Variants in ASXL1 observed in about 807,000 individuals in gnomAD.
ASXL1 encodes the protein polycomb group protein ASXL1.
Under a neutral mutation model 89.1 loss-of-function variants are expected in ASXL1, and 65 were observed. That is an observed-to-expected ratio of 0.73 (90% confidence interval 0.60 to 0.90). ASXL1 has a LOEUF of 0.90. ASXL1 is among the 40% of genes least tolerant of loss of function. The pLI is 0.00. For missense variants in ASXL1, 1,786 were observed against 1,942.9 expected, an observed-to-expected ratio of 0.92 and a Z score of 1.52; for synonymous variants, 739 against 746.9, an observed-to-expected ratio of 0.99 and a Z score of 0.17.
intron 4 of ASXL1, among the ~76,000 whole-genome samples, chr20:32,388,269 G>A (rs1417566512): frequency 3.3e-5 from 5 of 152,150 alleles, no homozygotes; most frequent in Non-Finnish European, 1.5e-5. Flanking sequence ...CTGTCTTCCA[G>A]GCTTAAGCAA....
chr20:32,413,173 TTTG>T lies in ASXL1; in HGVS notation c.253-14940_253-14938del, dbSNP rs200573508. Among the ~76,000 whole-genome samples, 732 of 152,248 alleles carry T rather than the reference TTTG, an allele frequency of 4.8e-3. 4 individuals are homozygous for T. Among genetic ancestry groups the T allele is most frequent in the African/African-American group, 0.017 (703 of 41,542 alleles). On this transcript the variant is annotated intron_variant, in intron 4 of 12. Coordinates refer to ENST00000375687, the MANE Select transcript of ASXL1 (RefSeq NM_015338.6). ...AAAATACTCTCTGAGGCACGCAGAT[TTTG>T]TTGTTGTTGTTGTTTAAGGATGAAG... is the stretch of plus-strand genomic sequence containing the variant.
intron 4 of ASXL1, among the ~76,000 whole-genome samples, chr20:32,396,791 C>A (rs1441495997): frequency 6.6e-6 from 1 of 152,108 alleles, no homozygotes; most frequent in East Asian, 1.9e-4. Flanking sequence ...AACTCTCATT[C>A]TCTCTCAGTA....
chr20:32,372,111 A>G (rs1276157518), intron 4 of ASXL1: 5 of 1,341,928 alleles, frequency 3.7e-6, no homozygotes, highest in Non-Finnish European at 4.0e-6. Flanking sequence ...TTCTTGGCAT[A>G]GTACGTGCTT....
chr20:32,379,841 TA>T (rs11167166), intron 4 of ASXL1, among the ~76,000 whole-genome samples: 121,495 of 151,834 alleles, frequency 0.8, 48,914 homozygotes, highest in South Asian at 0.92. Context: ...AAGAAAAAAA[TA>T]AAAAAGATGT....
At chr20:32,380,590 A>G (rs1256468959) in intron 4 of ASXL1, among the ~76,000 whole-genome samples, 2 of 152,020 alleles carry the variant, frequency 1.3e-5, no homozygotes, top group East Asian at 1.9e-4. Context: ...TTGTCTCTAC[A>G]AGAAATAAAA....
At position 32,438,151 on chromosome 20, in the gene ASXL1, G is replaced by GTA; in HGVS notation, c.*815_*816dup. 4.3e-6 allele frequency: 1 copy of GTA among 233,498 alleles called. No homozygotes were observed. The highest frequency in any genetic ancestry group is 8.5e-6 in the Non-Finnish European group (1 of 117,986). 14.5% of individuals were successfully genotyped at this position (233,498 alleles called of 1,614,324 possible). On this transcript the variant is annotated 3_prime_UTR_variant, in exon 13 of 13. Coordinates refer to ENST00000375687, the MANE Select transcript of ASXL1 (RefSeq NM_015338.6). ...GGAGTGGGCATCTCCACGCACCTGT[G>GTA]TATGTGAAAGTCATTTTACATTTCA...
chr20:32,387,606 C>T (rs2048601731), intron 4 of ASXL1, among the ~76,000 whole-genome samples: 1 of 152,206 alleles, frequency 6.6e-6, no homozygotes, highest in Admixed American at 6.5e-5. Context: ...CCATCCTTGT[C>T]TGGTTTAAGC....
At chr20:32,362,590 C>T (rs1383912862) in intron 1 of ASXL1, among the ~76,000 whole-genome samples, 2 of 152,158 alleles carry the variant, frequency 1.3e-5, no homozygotes, top group Non-Finnish European at 2.9e-5. Context: ...GAGCCGAGAT[C>T]GAGCTACTGC....
In ASXL1 at chr20:32,377,198, G is replaced by T. The variant is rs1309345134; in HGVS notation, c.252+8075G>T. ...TATAATATATTATAGATATATCTATGTATATTATATCACCTGACGTCAGGT... is the reference window on the plus strand; with the variant it reads ...TATAATATATTATAGATATATCTATTTATATTATATCACCTGACGTCAGGT... On this transcript the variant is annotated intron_variant, in intron 4 of 12. Coordinates refer to ENST00000375687, the MANE Select transcript of ASXL1 (RefSeq NM_015338.6). Among the ~76,000 whole-genome samples the T allele has an allele frequency of 2.8e-5, 4 of 141,446 alleles. No individual in the cohort carries two copies. The East Asian group carries it at 8.2e-4, about 29-fold the overall frequency. 92.8% of individuals were successfully genotyped at this position (141,446 alleles called of 152,430 possible). A position where few individuals can be genotyped will look rare whatever the true frequency, so the allele number is the denominator to read the frequency against.
intron 4 of ASXL1, among the ~76,000 whole-genome samples, chr20:32,382,616 A>C (rs1352918132): frequency 1.3e-5 from 2 of 151,102 alleles, no homozygotes; most frequent in African/African-American, 4.8e-5. Flanking sequence ...TACAAAAAAA[A>C]AAAAAAAAAA....
At chr20:32,427,998 T>C (rs2011379156) in intron 4 of ASXL1, 130 bp from the exon 5 acceptor site, 2 of 1,351,290 alleles carry the variant, frequency 1.5e-6, no homozygotes, top group South Asian at 2.5e-5. Context: ...AAAAGGTCAG[T>C]TAGAAAGGGT....
At position 32,435,247 on chromosome 20, in the gene ASXL1, C is replaced by A. The variant is rs1206610206; in HGVS notation, c.2535C>A (p.Pro845=). Residue 845 remains proline (P), a synonymous_variant, in exon 13 of 13, where the codon CCC becomes CCA. Coordinates refer to ENST00000375687, the MANE Select transcript of ASXL1 (RefSeq NM_015338.6). The stretch of plus-strand genomic sequence containing the variant: ...TGAAGGATCCTGTAAATGTGACCCC[C>A]AGTTCCACACCTGAATCCTCACCGA... ...PTMKDPVNVT[P]SSTPESSPTD... is the part of the protein sequence containing the mutation. The A allele has an allele frequency of 6.2e-7, 1 of 1,613,946 alleles. No homozygotes were observed. Among genetic ancestry groups the A allele is most frequent in the African/African-American group, 1.3e-5 (1 of 74,888 alleles).
intron 4 of ASXL1, among the ~76,000 whole-genome samples, chr20:32,405,472 TC>T (rs530220672): frequency 8.7e-4 from 132 of 152,308 alleles, no homozygotes; most frequent in African/African-American, 3.0e-3. Context: ...TTCATAAAAT[TC>T]AGAAAATTAC....
chr20:32,358,679 C>A lies in ASXL1; in HGVS notation c.-97C>A, dbSNP rs570751501. ...TCGCGCGCCGCCGCTGCCACGCGCC[C>A]CCCCCACCGCCGCCGCCGCCCCAGC... On this transcript the variant is annotated 5_prime_UTR_variant, in exon 1 of 13. Transcript: ENST00000375687. 4.9e-5 allele frequency: 22 copies of A among 447,584 alleles called. No homozygotes were observed. In the South Asian group the frequency reaches 1.3e-3, roughly 27 times the overall value. 27.7% of individuals were successfully genotyped at this position (447,584 alleles called of 1,614,324 possible).
chr20:32,417,917 G>A (rs776523564), intron 4 of ASXL1, among the ~76,000 whole-genome samples: 4 of 151,872 alleles, frequency 2.6e-5, no homozygotes, highest in Non-Finnish European at 4.4e-5. Context: ...GGTGACTCAT[G>A]TCAGTAATCC....
At position 32,369,130 on chromosome 20, in the gene ASXL1, G is replaced by A. The variant is rs1288640265; in HGVS notation, c.252+7G>A. The A allele has an allele frequency of 6.3e-7, 1 of 1,591,670 alleles. No individual in the cohort carries two copies. Among genetic ancestry groups the A allele is most frequent in the South Asian group, 1.1e-5 (1 of 90,652 alleles). On this transcript the variant is annotated splice_region_variant and intron_variant, in intron 4 of 12. Transcript: ENST00000375687. ...CAGCCTTTTCACGCTCAAGGTAAGT[G>A]ATATGAACTCTCTTTTGGTGCAGTG...
At position 32,434,672 on chromosome 20, in the gene ASXL1, G is replaced by A. The variant is rs1378106478; in HGVS notation, c.1960G>A (p.Ala654Thr). ...TGGCCCGGGTGGAGGTGGCGGCGGGGCCACCGATGAGGGAGGTGGCAGAGG... is the reference window on the plus strand; with the variant it reads ...TGGCCCGGGTGGAGGTGGCGGCGGGACCACCGATGAGGGAGGTGGCAGAGG... ...GGGPGGGGGGATDEGGGRGSS... is the reference protein window; with the variant it reads ...GGGPGGGGGGTTDEGGGRGSS... The change falls in exon 13 of 13, where the codon GCC becomes ACC. Residue 654 changes from alanine to threonine, a missense_variant. Ala to Thr is a moderately conservative substitution (Grantham distance 58). This residue lies in a region of ASXL1 where 1,418 missense variants were observed against 1,427.8 expected (regional missense o/e 0.99). Coordinates refer to ENST00000375687, the MANE Select transcript of ASXL1 (RefSeq NM_015338.6). The A allele has an allele frequency of 2.5e-6, 4 of 1,602,364 alleles. No homozygotes were observed. The highest frequency in any genetic ancestry group is 2.3e-5 in the East Asian group (1 of 44,206).
chr20:32,360,257 G>C (rs2048088137), intron 1 of ASXL1: 1 of 155,028 alleles, frequency 6.5e-6, no homozygotes, highest in Non-Finnish European at 1.4e-5. Flanking sequence ...GCAATTGTTT[G>C]TATGCTGAAG....
rs542229627 is a variant in ASXL1, at chr20:32,426,094, TGATGAATAGGA to T, written c.253-2032_253-2022del. Among the ~76,000 whole-genome samples the T allele has an allele frequency of 2.2e-3, 330 of 152,362 alleles. 2 individuals carry two copies. The highest frequency in any genetic ancestry group is 5.6e-3 in the South Asian group (27 of 4,832). On this transcript the variant is annotated intron_variant, in intron 4 of 12. Coordinates refer to ENST00000375687, the MANE Select transcript of ASXL1 (RefSeq NM_015338.6). ...CAGCTCTGTAGGTAATAATGTTTTT[TGATGAATAGGA>T]GGTCTTAATTTTAATGTAGTTTAAT...
Sources: allele counts gnomAD v4.1 joint callset (sites outside exome capture counted in the v4.1 genomes callset), GRCh38; gene constraint gnomAD v4.1.1; regional missense constraint gnomAD v4.1.1; transcripts MANE v1.5; gene names NCBI Gene and HGNC (gene_info 2026-07-23, HGNC 2026-07-21).